PLOD2: variants seen among roughly 807,000 people sequenced by gnomAD.
PLOD2 encodes the protein procollagen-lysine,2-oxoglutarate 5-dioxygenase 2, also known as lysine hydroxylase 2.
In PLOD2, 65 loss-of-function variants were observed where a neutral mutation model predicts 101.0. The ratio of observed to expected loss-of-function variants is 0.64; its 90% CI spans 0.53 to 0.79. PLOD2 has a LOEUF of 0.79. PLOD2 is among the 30% of genes least tolerant of loss of function. The pLI is 0.00. For missense variants in PLOD2, 909 were observed against 914.6 expected (o/e 0.99, Z 0.08); for synonymous variants, 314 against 302.9 (o/e 1.04, Z -0.38).
In PLOD2 at chr3:146,146,045, A is replaced by G. The variant is rs550916971; in HGVS notation, c.109+14836T>C. 1.2e-4 allele frequency among the ~76,000 whole-genome samples: 18 copies of G among 152,260 alleles called. No homozygotes were observed. In the South Asian group the frequency reaches 3.5e-3, roughly 30 times the overall value. On this transcript the variant is annotated intron_variant, in intron 1 of 19. Coordinates refer to ENST00000282903, the MANE Select transcript of PLOD2 (RefSeq NM_182943.3). ...AAATTTCTATTACTTAGTTGCCTCT[A>G]TTTCATAAGTTTCTTTTTTTCCCAT...
rs577228615 is a variant in PLOD2, at chr3:146,151,790, T to C, written c.109+9091A>G. Among the ~76,000 whole-genome samples, 15 of 136,756 alleles carry C rather than the reference T, an allele frequency of 1.1e-4. No homozygotes were observed. The East Asian group carries it at 1.2e-3, about 11-fold the overall frequency. 89.7% of individuals were successfully genotyped at this position (136,756 alleles called of 152,430 possible). On this transcript the variant is annotated intron_variant, in intron 1 of 19. Transcript: ENST00000282903. ...CCTTGTGTGGTTTTTGTTTGTTCAT[T>C]CTGGTTTGTTTTTTCTGTTTTTCCT...
At chr3:146,110,248 A>G (rs1361819409) in intron 4 of PLOD2, 37 bp downstream of exon 4, 1 of 1,586,080 alleles carries the variant, frequency 6.3e-7, no homozygotes, top group Non-Finnish European at 8.7e-7. Flanking sequence ...TAGTCTTTAT[A>G]ACTTGCATTA....
intron 1 of PLOD2, among the ~76,000 whole-genome samples, chr3:146,134,834 G>A (rs1194085846): frequency 6.6e-6 from 1 of 152,166 alleles, no homozygotes; most frequent in African/African-American, 2.4e-5. Context: ...AGAGAAAGTT[G>A]TAAGGGTGAG....
chr3:146,134,990 A>C (rs1403876610), intron 1 of PLOD2, among the ~76,000 whole-genome samples: 1 of 152,262 alleles, frequency 6.6e-6, no homozygotes, highest in African/African-American at 2.4e-5. Context: ...GTGTGACTGA[A>C]ACAGGAACAA....
chr3:146,084,213 C>T (rs926995279), intron 11 of PLOD2, among the ~76,000 whole-genome samples: 5 of 151,972 alleles, frequency 3.3e-5, no homozygotes, highest in African/African-American at 1.2e-4. Flanking sequence ...CATTCATATG[C>T]TTTGGAAAAT....
intron 9 of PLOD2, among the ~76,000 whole-genome samples, chr3:146,087,174 TATA>T (rs1936807664): frequency 1.3e-5 from 2 of 152,002 alleles, no homozygotes; most frequent in African/African-American, 4.8e-5. Context: ...CAAGTCTTTG[TATA>T]AATACTTAAA....
At chr3:146,101,379 T>C (rs1262370763) in intron 7 of PLOD2, among the ~76,000 whole-genome samples, 1 of 152,110 alleles carries the variant, frequency 6.6e-6, no homozygotes, top group Non-Finnish European at 1.5e-5. Context: ...TTAAAATAAA[T>C]ATTTTGAAGA....
chr3:146,148,573 T>A (rs1490819904), intron 1 of PLOD2, among the ~76,000 whole-genome samples: 5 of 152,210 alleles, frequency 3.3e-5, no homozygotes, highest in Non-Finnish European at 7.3e-5. Flanking sequence ...CTGTACTGTT[T>A]CTGCATTTAC....
At chr3:146,075,072 C>G (rs1449489255) in intron 15 of PLOD2, among the ~76,000 whole-genome samples, 1 of 151,468 alleles carries the variant, frequency 6.6e-6, no homozygotes, top group African/African-American at 2.4e-5. Flanking sequence ...CTCAAGACAC[C>G]AAGAGATTCA....
chr3:146,116,952 G>A (rs748861565), intron 3 of PLOD2, among the ~76,000 whole-genome samples: 11 of 152,040 alleles, frequency 7.2e-5, no homozygotes, highest in African/African-American at 1.7e-4. Flanking sequence ...GAAGGAATGC[G>A]ACAAAATTGT....
At position 146,080,248 on chromosome 3, in the gene PLOD2, A is replaced by G. The variant is rs192335891; in HGVS notation, c.1359-991T>C. On this transcript the variant is annotated intron_variant, in intron 12 of 19. Transcript: ENST00000282903. ...ACATACACTACGTTTTTTCCTACAC[A>G]TATATACTTATAATAAAGTTTAATT... 2.6e-5 allele frequency among the ~76,000 whole-genome samples: 4 copies of G among 152,072 alleles called. No individual in the cohort carries two copies. In the East Asian group the frequency reaches 7.7e-4, roughly 29 times the overall value.
Position 146,121,151 on chromosome 3 carries a change from T to C in PLOD2, c.299A>G (p.Tyr100Cys), listed in dbSNP as rs1576610812. 3 of 1,608,572 alleles carry C rather than the reference T, an allele frequency of 1.9e-6. No homozygotes were observed. The highest frequency in any genetic ancestry group is 2.6e-6 in the Non-Finnish European group (3 of 1,175,182). The change falls in exon 3 of 20, where the codon TAT becomes TGT. Residue 100 changes from tyrosine (Y) to cysteine (C), a missense_variant. By Grantham distance (194) the Tyr-to-Cys change is radical (BLOSUM62 -2). Coordinates refer to ENST00000282903, the MANE Select transcript of PLOD2 (RefSeq NM_182943.3). ...VRLMKEVMEH[Y>C]ADQDDLVVMF... is the part of the protein sequence containing the mutation. ...GACAACCAGATCATCTTGATCAGCA[T>C]AGTGTTCCATGACTTCTTTCATTAA...
intron 3 of PLOD2, among the ~76,000 whole-genome samples, chr3:146,120,424 A>C (rs2030024114): frequency 6.6e-6 from 1 of 152,100 alleles, no homozygotes; most frequent in African/African-American, 2.4e-5. Context: ...ATATGTAGAA[A>C]GCTGAAACTT....
At chr3:146,137,506 C>A (rs945553368) in intron 1 of PLOD2, among the ~76,000 whole-genome samples, 10 of 152,154 alleles carry the variant, frequency 6.6e-5, no homozygotes, top group African/African-American at 2.4e-4. Context: ...GCCTTGGGCT[C>A]CCCAAGTGCT....
intron 1 of PLOD2, among the ~76,000 whole-genome samples, chr3:146,156,355 T>A (rs2032302814): frequency 6.6e-6 from 1 of 152,228 alleles, no homozygotes; most frequent in Admixed American, 6.5e-5. Flanking sequence ...TATCTCAGAC[T>A]TTGCAGGCCT....
At chr3:146,089,796 T>C (rs1283621591) in intron 8 of PLOD2, among the ~76,000 whole-genome samples, 4 of 151,558 alleles carry the variant, frequency 2.6e-5, no homozygotes, top group Non-Finnish European at 4.4e-5. Context: ...CTCAATTTAA[T>C]AGGAAAAATA....
chr3:146,146,713 C>G (rs1344201980), intron 1 of PLOD2, among the ~76,000 whole-genome samples: 1 of 152,164 alleles, frequency 6.6e-6, no homozygotes, highest in Non-Finnish European at 1.5e-5. Context: ...ATGGTGGGCT[C>G]CTGATTCCCC....
intron 1 of PLOD2, among the ~76,000 whole-genome samples, chr3:146,139,488 A>G (rs1576623792): frequency 6.6e-6 from 1 of 152,190 alleles, no homozygotes; most frequent in East Asian, 1.9e-4. Context: ...TTATCTTGAT[A>G]AATGCTCACC....
At chr3:146,115,873 T>C (rs1411033292) in intron 3 of PLOD2, among the ~76,000 whole-genome samples, 1 of 152,174 alleles carries the variant, frequency 6.6e-6, no homozygotes, top group African/African-American at 2.4e-5. Context: ...ACAGACAATA[T>C]GTAAACAAAT....
Sources: gnomAD v4.1 joint callset for allele counts (sites outside exome capture counted in the v4.1 genomes callset) on GRCh38, gnomAD v4.1.1 for gene constraint, MANE v1.5 for transcripts, NCBI Gene and HGNC (gene_info 2026-07-23, HGNC 2026-07-21) for gene names.